Variants in SEMA3D observed in about 807,000 individuals in gnomAD.
The protein encoded by SEMA3D is semaphorin 3D.
Under a neutral mutation model 100.1 loss-of-function variants are expected in SEMA3D, and 84 were observed. That is an observed-to-expected ratio of 0.84 (90% CI 0.70 to 1.01). SEMA3D has a LOEUF of 1.01. Ranked by LOEUF, SEMA3D falls within the 50% of genes least tolerant of loss-of-function variation. The pLI is 0.00. For synonymous variants in SEMA3D, 312 were observed against 320.7 expected (o/e 0.97, Z 0.29); for missense variants, 875 against 934.1 (o/e 0.94, Z 0.82).
the SEMA3D span, among the ~76,000 whole-genome samples, chr7:85,245,266 T>C: frequency 6.6e-6 from 1 of 152,112 alleles, no homozygotes; most frequent in Non-Finnish European, 1.5e-5. Flanking sequence ...ACGGGAATGA[T>C]TTAAGAACAA....
chr7:85,041,859 AAAATG>A (rs1456230339), intron 10 of SEMA3D: 3 of 259,258 alleles, frequency 1.2e-5, no homozygotes, highest in Non-Finnish European at 1.4e-5. Context: ...GGCTCCTTTC[AAAATG>A]AAAGACTGCA....
chr7:85,138,352 G>A (rs1018611985), intron 2 of SEMA3D, among the ~76,000 whole-genome samples: 2 of 151,624 alleles, frequency 1.3e-5, no homozygotes, highest in African/African-American at 4.8e-5. Context: ...ACAGTGGCAC[G>A]ATCTCTGCTC....
chr7:85,024,341 C>G (rs922127627), intron 12 of SEMA3D, among the ~76,000 whole-genome samples: 1 of 151,318 alleles, frequency 6.6e-6, no homozygotes, highest in African/African-American at 2.4e-5. Flanking sequence ...AGCCCTCCAA[C>G]TTAAGAAAAA....
At chr7:85,143,726 A>AT (rs5885452) in intron 2 of SEMA3D, among the ~76,000 whole-genome samples, 73,562 of 146,962 alleles carry the variant, frequency 0.5, 18,523 homozygotes, top group East Asian at 0.62. Flanking sequence ...GAGACATGTA[A>AT]TTTTTTTTTT....
intron 8 of SEMA3D, among the ~76,000 whole-genome samples, chr7:85,064,880 C>T (rs973721522): frequency 6.6e-6 from 1 of 152,022 alleles, no homozygotes; most frequent in East Asian, 1.9e-4. Context: ...AAAATTATGT[C>T]AATATTAATA....
At chr7:85,063,434 A>G (rs1006556583) in intron 8 of SEMA3D, among the ~76,000 whole-genome samples, 2 of 152,120 alleles carry the variant, frequency 1.3e-5, no homozygotes, top group Non-Finnish European at 2.9e-5. Flanking sequence ...GTCAATTGAG[A>G]CTTCCTCTAC....
intron 9 of SEMA3D, among the ~76,000 whole-genome samples, chr7:85,054,161 A>T (rs964934805): frequency 3.3e-5 from 5 of 152,094 alleles, no homozygotes; most frequent in African/African-American, 1.2e-4. Context: ...TTACTTTGTT[A>T]CAAATACATT....
the SEMA3D span, among the ~76,000 whole-genome samples, chr7:85,207,717 C>T: frequency 2.0e-5 from 3 of 151,878 alleles, no homozygotes; most frequent in Admixed American, 2.0e-4. Context: ...TATAAACAAA[C>T]ATATAAATTA....
At chr7:85,149,735 A>T (rs1790313238) in intron 2 of SEMA3D, among the ~76,000 whole-genome samples, 1 of 152,266 alleles carries the variant, frequency 6.6e-6, no homozygotes, top group South Asian at 2.1e-4. Flanking sequence ...TTCTCAATTA[A>T]GATTCAGGGG....
At chr7:85,208,485 T>C in the SEMA3D span, among the ~76,000 whole-genome samples, 1 of 152,106 alleles carries the variant, frequency 6.6e-6, no homozygotes, top group Admixed American at 6.6e-5. Flanking sequence ...ATTTTTTTCT[T>C]GTTTTCTAGA....
intron 17 of SEMA3D, among the ~76,000 whole-genome samples, chr7:85,011,508 CTTG>C (rs1163674560): frequency 2.0e-5 from 3 of 151,716 alleles, no homozygotes; most frequent in African/African-American, 7.3e-5. Context: ...ATTTATTTTA[CTTG>C]TTTTGGTATT....
chr7:85,190,773 G>A (rs1403973022), upstream of SEMA3D, among the ~76,000 whole-genome samples: 1 of 151,964 alleles, frequency 6.6e-6, no homozygotes, highest in Admixed American at 6.6e-5. Context: ...TAGTTAATTG[G>A]TATGTAAAAC....
chr7:85,231,604 C>T, the SEMA3D span, among the ~76,000 whole-genome samples: 1 of 152,022 alleles, frequency 6.6e-6, no homozygotes. Context: ...GCGTCTGCCA[C>T]CACACCCGGC....
intron 2 of SEMA3D, among the ~76,000 whole-genome samples, chr7:85,128,362 G>A (rs1789625208): frequency 6.6e-6 from 1 of 151,732 alleles, no homozygotes; most frequent in Non-Finnish European, 1.5e-5. Flanking sequence ...GTAGAGATGG[G>A]GTTTCACCAT....
At chr7:85,095,934 A>G (rs1788536834) in intron 4 of SEMA3D, among the ~76,000 whole-genome samples, 1 of 152,034 alleles carries the variant, frequency 6.6e-6, no homozygotes, top group Non-Finnish European at 1.5e-5. Flanking sequence ...GCAGGAAGTT[A>G]TAAGAATTTA....
intron 3 of SEMA3D, among the ~76,000 whole-genome samples, chr7:85,111,675 G>C (rs1050501295): frequency 6.6e-6 from 1 of 151,972 alleles, no homozygotes; most frequent in Non-Finnish European, 1.5e-5. Context: ...CTATTATTCT[G>C]AGAGTCAGAT....
In SEMA3D at chr7:85,121,828, A is replaced by T; in HGVS notation, c.64T>A (p.Leu22Met). The change falls in exon 3 of 19, where the codon TTG (leucine) becomes ATG (methionine). Residue 22 changes from leucine (L) to methionine (M), a missense_variant. Leu to Met is a conservative substitution (Grantham distance 15). Transcript: ENST00000284136. The part of the protein sequence containing the change: ...RSQDFHLFPA[L>M]MMLSMTMLFL... ...AACATGGTCATGCTTAGCATCATCA[A>T]AGCAGGAAAAAGGTGAAAATCTTGG... The T allele has an allele frequency of 6.2e-7, 1 of 1,609,318 alleles. No homozygotes were observed. Among genetic ancestry groups the T allele is most frequent in the Admixed American group, 1.7e-5 (1 of 59,534 alleles).
chr7:85,114,915 A>G lies in SEMA3D; in HGVS notation c.151+6826T>C, dbSNP rs1051877047. Among the ~76,000 whole-genome samples, 5 of 152,200 alleles carry G rather than the reference A, an allele frequency of 3.3e-5. No homozygotes were observed. The South Asian group carries it at 1.0e-3, about 31-fold the overall frequency. ...TAATTTATATATTTGATTTAATATT[A>G]ATAATCACTTTTCTATGAAATTTTG... On this transcript the variant is annotated intron_variant, in intron 3 of 18. Transcript: ENST00000284136.
intron 17 of SEMA3D, among the ~76,000 whole-genome samples, chr7:85,008,188 A>T (rs1789853277): frequency 6.6e-6 from 1 of 151,800 alleles, no homozygotes; most frequent in Non-Finnish European, 1.5e-5. Flanking sequence ...TTCCTGAGAA[A>T]GGGATTTTGT....
Sources: gnomAD v4.1 joint callset for allele counts (sites outside exome capture counted in the v4.1 genomes callset) on GRCh38, gnomAD v4.1.1 for gene constraint, MANE v1.5 for transcripts, NCBI Gene and HGNC (gene_info 2026-07-23, HGNC 2026-07-21) for gene names.